ZNF713: variants seen among roughly 807,000 people sequenced by gnomAD.
ZNF713 encodes the protein zinc finger protein 713.
Under a neutral mutation model 28.7 loss-of-function variants are expected in ZNF713, and 21 were observed. The observed-to-expected ratio is 0.73, with a 90% confidence interval of 0.52 to 1.05. The LOEUF is 1.05. Ranked by LOEUF, ZNF713 falls within the 50% of genes least tolerant of loss-of-function variation. ZNF713 has a pLI of 0.00. For synonymous variants in ZNF713, 167 were observed against 178.0 expected, an observed-to-expected ratio of 0.94 and a Z score of 0.49; for missense variants, 458 against 532.4, an observed-to-expected ratio of 0.86 and a Z score of 1.37.
At chr7:55,901,277 C>T (rs1344228238) in intron 1 of ZNF713, among the ~76,000 whole-genome samples, 1 of 152,012 alleles carries the variant, frequency 6.6e-6, no homozygotes, top group Non-Finnish European at 1.5e-5. Context: ...AGAGCTTATG[C>T]AGAGAAACTC....
intron 4 of ZNF713, chr7:55,918,014 A>C (rs1785917426): frequency 2.2e-6 from 1 of 455,196 alleles, no homozygotes; most frequent in Admixed American, 2.4e-5. Flanking sequence ...CTTTCTTGCA[A>C]GTGACTTTGA....
Position 55,940,254 on chromosome 7 carries a change from C to A in ZNF713, c.*248C>A, listed in dbSNP as rs1410821343. The A allele has an allele frequency of 2.0e-5, 12 of 614,814 alleles. No individual in the cohort carries two copies. The highest frequency in any genetic ancestry group is 2.6e-5 in the Non-Finnish European group (11 of 427,634). 38.1% of individuals were successfully genotyped at this position (614,814 alleles called of 1,614,324 possible). On this transcript the variant is annotated 3_prime_UTR_variant, in exon 7 of 7. Transcript: ENST00000429591. ...TCTCCTGCCTCAGCCTCCTGAGTAG[C>A]TGGGACCACAGGTATGCACCACCAC...
chr7:55,938,535 TA>T (rs1786399787), intron 6 of ZNF713, among the ~76,000 whole-genome samples: 1 of 152,046 alleles, frequency 6.6e-6, no homozygotes, highest in Non-Finnish European at 1.5e-5. Context: ...AAACAAAAGA[TA>T]AAAATAGGAA....
chr7:55,930,392 C>A (rs1786186580), intron 6 of ZNF713, among the ~76,000 whole-genome samples: 2 of 152,140 alleles, frequency 1.3e-5, no homozygotes, highest in Non-Finnish European at 2.9e-5. Flanking sequence ...TGTCCTAGAC[C>A]AGTCATGGGG....
Position 55,927,509 on chromosome 7 carries a change from C to T in ZNF713, c.307+3810C>T, listed in dbSNP as rs1425447201. 3.9e-5 allele frequency among the ~76,000 whole-genome samples: 6 copies of T among 151,918 alleles called. No homozygotes were observed. The South Asian group carries it at 8.3e-4, about 21-fold the overall frequency. On this transcript the variant is annotated intron_variant, in intron 6 of 6. Transcript: ENST00000429591. ...CTGCACTCCAGCCTGGGCAATAGAG[C>T]GAGACCTTGTCTGAAAAAAGCAAAA...
intron 3 of ZNF713, 117 bp from the exon 4 acceptor site, chr7:55,912,518 G>A: frequency 3.0e-6 from 2 of 677,644 alleles, no homozygotes; most frequent in East Asian, 2.7e-5. Flanking sequence ...CAACCTTTAG[G>A]CTTATGTCTT....
Position 55,939,238 on chromosome 7 carries a change from CTG to C in ZNF713, c.566_567del (p.Cys189Ter), listed in dbSNP as rs757880273. 5 of 1,613,910 alleles carry C rather than the reference CTG, an allele frequency of 3.1e-6. No homozygotes were observed. In the East Asian group the frequency reaches 1.1e-4, roughly 36 times the overall value. ...TTGAGTGTAATAAATTTGCAGAAAA[CTG>C]TAATCTGAACTCAAACCTTATGCAG... ...SLECNKFAEN[C>X]NLNSNLMQQR... is the part of the protein sequence containing the mutation. On this transcript the variant is annotated frameshift_variant, in exon 7 of 7. Coordinates refer to ENST00000429591, the MANE Select transcript of ZNF713 (RefSeq NM_182633.3). LOFTEE classifies it high-confidence loss of function.
chr7:55,890,882 G>A (rs1041546657), intron 1 of ZNF713, among the ~76,000 whole-genome samples: 1 of 151,724 alleles, frequency 6.6e-6, no homozygotes, highest in Non-Finnish European at 1.5e-5. Flanking sequence ...GCTGGGCGTG[G>A]TGGCACGTGC....
chr7:55,915,299 A>T (rs190930997), intron 4 of ZNF713, among the ~76,000 whole-genome samples: 1 of 152,210 alleles, frequency 6.6e-6, no homozygotes, highest in South Asian at 2.1e-4. Flanking sequence ...TCACTCAATA[A>T]ATATTTTTTG....
intron 4 of ZNF713, among the ~76,000 whole-genome samples, chr7:55,919,436 T>TATGGGTG (rs1293645484): frequency 6.7e-6 from 1 of 150,238 alleles, no homozygotes; most frequent in Non-Finnish European, 1.5e-5. Context: ...CAAAGAGATT[T>TATGGGTG]ATGGGTGTGG....
chr7:55,888,606 CTG>C (rs1785321618), intron 1 of ZNF713, among the ~76,000 whole-genome samples: 1 of 151,976 alleles, frequency 6.6e-6, no homozygotes. Flanking sequence ...AGGCTGGTCT[CTG>C]AGCGCAAGTG....
rs148011289 is a variant in ZNF713, at chr7:55,895,324, A to G, written c.-583+7644A>G. ...AGCCTAAGGGAGAACGAGGGAGCTC[A>G]GGATGCCATTCGGGTTTCAGGCTTG... On this transcript the variant is annotated intron_variant, in intron 1 of 6. Coordinates refer to ENST00000429591, the MANE Select transcript of ZNF713 (RefSeq NM_182633.3). 3.3e-5 allele frequency among the ~76,000 whole-genome samples: 5 copies of G among 152,316 alleles called. No homozygotes were observed. The East Asian group carries it at 7.7e-4, about 23-fold the overall frequency.
intron 1 of ZNF713, among the ~76,000 whole-genome samples, chr7:55,898,413 T>C (rs1247443417): frequency 6.6e-6 from 1 of 152,206 alleles, no homozygotes; most frequent in East Asian, 1.9e-4. Flanking sequence ...GAGGTTTAAT[T>C]GACTCACGAT....
Position 55,940,316 on chromosome 7 carries a change from G to T in ZNF713, c.*310G>T, listed in dbSNP as rs564907693. 5 of 507,412 alleles carry T rather than the reference G, an allele frequency of 9.9e-6. No individual in the cohort carries two copies. The highest frequency in any genetic ancestry group is 1.3e-5 in the Non-Finnish European group (5 of 381,160). The allele number at this position is 507,412 out of a possible 1,614,324, so 31.4% of individuals were successfully genotyped here. ...TTTTTGTATTTTTAGTAGAGACGGG[G>T]TTTCACCATGTTGGCCAGGCTGGTC... On this transcript the variant is annotated 3_prime_UTR_variant, in exon 7 of 7. Transcript: ENST00000429591.
At chr7:55,889,083 T>C in intron 1 of ZNF713, among the ~76,000 whole-genome samples, 1 of 150,262 alleles carries the variant, frequency 6.7e-6, no homozygotes, top group East Asian at 2.0e-4. Flanking sequence ...TCCCCCTTAA[T>C]TGTGTCCTTT....
chr7:55,915,382 G>T (rs1785862826), intron 4 of ZNF713, among the ~76,000 whole-genome samples: 2 of 151,758 alleles, frequency 1.3e-5, no homozygotes, highest in Admixed American at 1.3e-4. Flanking sequence ...TTTCATATGT[G>T]ACAAAAATTA....
intron 1 of ZNF713, among the ~76,000 whole-genome samples, chr7:55,888,219 T>A (rs996479962): frequency 6.6e-6 from 1 of 152,196 alleles, no homozygotes; most frequent in African/African-American, 2.4e-5. Context: ...TTCTCCTTTT[T>A]ATCTGTATTT....
intron 1 of ZNF713, among the ~76,000 whole-genome samples, chr7:55,896,463 G>A (rs544610538): frequency 1.3e-5 from 2 of 151,998 alleles, no homozygotes; most frequent in East Asian, 1.9e-4. Context: ...GATAATAAGA[G>A]CCACCAATTT....
intron 6 of ZNF713, among the ~76,000 whole-genome samples, chr7:55,928,169 G>A (rs566807846): frequency 1.1e-4 from 17 of 152,240 alleles, no homozygotes; most frequent in African/African-American, 3.4e-4. Flanking sequence ...GCTGACCAAA[G>A]ACGAGCAGAG....
Sources: gnomAD v4.1 joint callset for allele counts (sites outside exome capture counted in the v4.1 genomes callset) on GRCh38, gnomAD v4.1.1 for gene constraint, MANE v1.5 for transcripts, NCBI Gene and HGNC (gene_info 2026-07-23, HGNC 2026-07-21) for gene names.